The following ITPR1 variants were observed in gnomAD, a reference collection of about 807,000 sequenced individuals.
ITPR1 encodes inositol 1,4,5-trisphosphate receptor type 1.
A neutral mutation model predicts 318.4 loss-of-function variants in ITPR1; 96 were observed. That is an observed-to-expected ratio of 0.30 (90% CI 0.26 to 0.36). ITPR1 has a LOEUF of 0.36. ITPR1 is among the 10% of genes least tolerant of loss of function. ITPR1 has a pLI of 1.00. For synonymous variants in ITPR1, 1,312 were observed against 1,289.9 expected (o/e 1.02, Z -0.37); for missense variants, 2,440 against 3,460.2 (o/e 0.71, Z 7.40).
chr3:4,634,551 T>A (rs746062688), intron 5 of ITPR1, among the ~76,000 whole-genome samples: 1 of 152,156 alleles, frequency 6.6e-6, no homozygotes, highest in Admixed American at 6.5e-5. Flanking sequence ...ATGATGAAGG[T>A]GTTTTTGAAG....
At chr3:4,665,046 C>T in intron 16 of ITPR1, 92 bp from the exon 17 acceptor site, 1 of 1,371,332 alleles carries the variant, frequency 7.3e-7, no homozygotes, top group Non-Finnish European at 1.0e-6. Context: ...TAATGTAATC[C>T]AGCCACCCTT....
intron 30 of ITPR1, among the ~76,000 whole-genome samples, chr3:4,688,036 T>G (rs557139141): frequency 6.6e-6 from 1 of 152,242 alleles, no homozygotes; most frequent in African/African-American, 2.4e-5. Flanking sequence ...TCAGTCCCTG[T>G]TTTTGTTTAC....
chr3:4,609,644 G>C (rs1159211739), intron 4 of ITPR1, among the ~76,000 whole-genome samples: 1 of 151,838 alleles, frequency 6.6e-6, no homozygotes, highest in Admixed American at 6.6e-5. Flanking sequence ...GGGTCACAAC[G>C]TATTCAATGG....
chr3:4,739,618 A>G (rs926809834), intron 44 of ITPR1, among the ~76,000 whole-genome samples: 6 of 152,244 alleles, frequency 3.9e-5, no homozygotes, highest in African/African-American at 1.4e-4. Flanking sequence ...AAAACCCATG[A>G]TAAAATATCC....
At chr3:4,712,628 A>T (rs1162812685) in intron 39 of ITPR1, among the ~76,000 whole-genome samples, 2 of 152,244 alleles carry the variant, frequency 1.3e-5, no homozygotes, top group African/African-American at 4.8e-5. Flanking sequence ...CAAAATACCC[A>T]GTAAGTCATT....
chr3:4,760,061 C>T (rs551898887), intron 44 of ITPR1, among the ~76,000 whole-genome samples: 4 of 152,372 alleles, frequency 2.6e-5, no homozygotes, highest in African/African-American at 9.6e-5. Flanking sequence ...GCCTTTGACT[C>T]CGGCCTCACT....
At chr3:4,787,535 A>G (rs2047277277) in intron 51 of ITPR1, among the ~76,000 whole-genome samples, 1 of 97,944 alleles carries the variant, frequency 1.0e-5, no homozygotes, top group Non-Finnish European at 2.2e-5. Context: ...TCAATACTGG[A>G]GGAAAAAAAA....
chr3:4,550,204 A>G (rs1188935577), intron 4 of ITPR1, among the ~76,000 whole-genome samples: 1 of 151,910 alleles, frequency 6.6e-6, no homozygotes, highest in African/African-American at 2.4e-5. Context: ...GAGACCCCAG[A>G]TCTCTCTGAG....
At chr3:4,501,730 A>G (rs2081037910) in intron 2 of ITPR1, among the ~76,000 whole-genome samples, 2 of 152,240 alleles carry the variant, frequency 1.3e-5, no homozygotes, top group Admixed American at 1.3e-4. Flanking sequence ...TCCAACAAAC[A>G]TGGGAACTTT....
chr3:4,688,689 T>C, intron 31 of ITPR1, 69 bp downstream of exon 31: 3 of 1,505,964 alleles, frequency 2.0e-6, no homozygotes, highest in Non-Finnish European at 2.7e-6. Context: ...AGGAACAGCT[T>C]GTTCTTTGGC....
At position 4,639,376 on chromosome 3, in the gene ITPR1, A is replaced by G. The variant is rs1260361660; in HGVS notation, c.280-8A>G. The G allele has an allele frequency of 6.4e-7, 1 of 1,557,614 alleles. No homozygotes were observed. Among genetic ancestry groups the G allele is most frequent in the Non-Finnish European group, 8.7e-7 (1 of 1,149,238 alleles). On this transcript the variant is annotated splice_region_variant and splice_polypyrimidine_tract_variant and intron_variant, in intron 5 of 61. Transcript: ENST00000649015. ...TCTTTGTGATCAATCTTTCTTCTCA[A>G]TGCACAGCACGCTGCAGACTTGGAA...
In ITPR1 at chr3:4,634,569, A is replaced by C. The variant is rs186070032; in HGVS notation, c.280-4815A>C. The stretch of plus-strand genomic sequence containing the variant: ...ATGAAGGTGTTTTTGAAGAAACTAC[A>C]CACTTGTATTTTAGGAGGAGTATTC... On this transcript the variant is annotated intron_variant, in intron 5 of 61. Transcript: ENST00000649015. 8.8e-4 allele frequency among the ~76,000 whole-genome samples: 134 copies of C among 152,322 alleles called. 1 individual carries two copies. The highest frequency in any genetic ancestry group is 3.0e-3 in the African/African-American group (125 of 41,572).
At chr3:4,517,793 T>C (rs924896061) in intron 3 of ITPR1, among the ~76,000 whole-genome samples, 1 of 152,188 alleles carries the variant, frequency 6.6e-6, no homozygotes, top group Non-Finnish European at 1.5e-5. Flanking sequence ...CCTCCTTTCT[T>C]CATGGTTGGC....
intron 4 of ITPR1, among the ~76,000 whole-genome samples, chr3:4,619,541 C>T (rs1245910992): frequency 6.8e-6 from 1 of 146,468 alleles, no homozygotes; most frequent in East Asian, 2.0e-4. Context: ...CCATCCCCTT[C>T]TGCCGCCCTT....
intron 13 of ITPR1, among the ~76,000 whole-genome samples, chr3:4,660,644 A>G (rs1041351259): frequency 1.3e-5 from 2 of 152,150 alleles, no homozygotes; most frequent in African/African-American, 4.8e-5. Flanking sequence ...TCATTGCTGT[A>G]TTATTATTTC....
In ITPR1 at chr3:4,831,191, C is replaced by G. The variant is rs149408306; in HGVS notation, c.8029-5583C>G. On this transcript the variant is annotated intron_variant, in intron 60 of 61. Transcript: ENST00000649015. ...CTCTGTCTCTCTCCCTCTTTCCAGTCAAGGACATTTCAAGAGGTTGGTCAG... is the reference window on the plus strand; with the variant it reads ...CTCTGTCTCTCTCCCTCTTTCCAGTGAAGGACATTTCAAGAGGTTGGTCAG... The G allele has an allele frequency of 3.5e-4, 126 of 358,066 alleles. 1 individual carries two copies. The highest frequency in any genetic ancestry group is 2.4e-3 in the African/African-American group (106 of 43,924). The allele number at this position is 358,066 out of a possible 1,614,324, so 22.2% of individuals were successfully genotyped here. A position where few individuals can be genotyped will look rare whatever the true frequency, so the allele number is the denominator to read the frequency against.
At chr3:4,840,029 C>T (rs1037429848) in intron 61 of ITPR1, among the ~76,000 whole-genome samples, 89 of 104,850 alleles carry the variant, frequency 8.5e-4, no homozygotes, top group African/African-American at 1.5e-3. Flanking sequence ...AGCATAGCTG[C>T]TTTTTTTTTT....
At chr3:4,768,447 T>A in intron 45 of ITPR1, 64 bp from the exon 46 acceptor site, 1 of 1,506,092 alleles carries the variant, frequency 6.6e-7, no homozygotes, top group Admixed American at 2.2e-5. Flanking sequence ...AGTGTCACCT[T>A]TGGAGTGGTG....
chr3:4,563,505 T>C (rs1243124900), intron 4 of ITPR1, among the ~76,000 whole-genome samples: 1 of 152,086 alleles, frequency 6.6e-6, no homozygotes, highest in Non-Finnish European at 1.5e-5. Context: ...TGAGACCCTG[T>C]CTCAAAAAAA....
Sources: allele counts gnomAD v4.1 joint callset (sites outside exome capture counted in the v4.1 genomes callset), GRCh38; gene constraint gnomAD v4.1.1; transcripts MANE v1.5; gene names NCBI Gene and HGNC (gene_info 2026-07-23, HGNC 2026-07-21).